EPHA6: variants seen among roughly 807,000 people sequenced by gnomAD.
The protein encoded by EPHA6 is ephrin type-A receptor 6.
EPHA6 carries 50 observed loss-of-function variants against 112.0 expected under a neutral mutation model. That is an observed-to-expected ratio of 0.45 (90% CI 0.36 to 0.56). The LOEUF is 0.56. Among genes scored for constraint, EPHA6 ranks in the 20% least tolerant of loss-of-function variants. The pLI, the probability that EPHA6 is intolerant of heterozygous loss-of-function variation, is 0.00. For missense variants in EPHA6, 1,280 were observed against 1,417.4 expected, an observed-to-expected ratio of 0.90 and a Z score of 1.56; for synonymous variants, 529 against 490.7, an observed-to-expected ratio of 1.08 and a Z score of -1.03.
chr3:97,269,630 T>C (rs2079814760), intron 5 of EPHA6, among the ~76,000 whole-genome samples: 1 of 152,196 alleles, frequency 6.6e-6, no homozygotes. Flanking sequence ...CCTGGGTCCC[T>C]ACCCCAGATA....
chr3:97,729,755 G>A (rs1209972665), intron 15 of EPHA6, among the ~76,000 whole-genome samples: 2 of 151,462 alleles, frequency 1.3e-5, no homozygotes, highest in Admixed American at 1.3e-4. Flanking sequence ...TGCACACCAG[G>A]AAAATACATT....
chr3:97,373,066 G>C (rs72926387), intron 5 of EPHA6, among the ~76,000 whole-genome samples: 4,522 of 152,084 alleles, frequency 0.03, 215 homozygotes, highest in African/African-American at 0.099. Flanking sequence ...ACAGAAGGAT[G>C]GTACTTGAAA....
At chr3:97,316,372 G>A (rs2081836508) in intron 5 of EPHA6, among the ~76,000 whole-genome samples, 1 of 151,838 alleles carries the variant, frequency 6.6e-6, no homozygotes, top group Non-Finnish European at 1.5e-5. Context: ...GTGCTCATAT[G>A]CATTACATTG....
At chr3:97,304,748 G>T (rs1379234981) in intron 5 of EPHA6, among the ~76,000 whole-genome samples, 2 of 151,988 alleles carry the variant, frequency 1.3e-5, no homozygotes, top group African/African-American at 4.8e-5. Flanking sequence ...ATTAACTCAA[G>T]ATGGATTACA....
At chr3:97,340,714 T>C (rs1577029058) in intron 5 of EPHA6, among the ~76,000 whole-genome samples, 1 of 152,308 alleles carries the variant, frequency 6.6e-6, no homozygotes, top group South Asian at 2.1e-4. Context: ...TCCTGACTTG[T>C]AGACAGTCAC....
chr3:97,722,463 C>T (rs891305553), intron 15 of EPHA6, among the ~76,000 whole-genome samples: 4 of 152,048 alleles, frequency 2.6e-5, no homozygotes, highest in South Asian at 2.1e-4. Flanking sequence ...CTTATTAATG[C>T]TCTTAGAAAA....
chr3:97,537,698 C>T (rs2092783093), intron 11 of EPHA6, among the ~76,000 whole-genome samples: 1 of 152,168 alleles, frequency 6.6e-6, no homozygotes, highest in African/African-American at 2.4e-5. Flanking sequence ...CCTCCCTCAA[C>T]CTCCCAAGTA....
chr3:96,989,819 A>G (rs1156292097), intron 3 of EPHA6, among the ~76,000 whole-genome samples: 1 of 152,128 alleles, frequency 6.6e-6, no homozygotes, highest in Non-Finnish European at 1.5e-5. Flanking sequence ...GTCCACCCCC[A>G]TGATTCAATC....
intron 3 of EPHA6, among the ~76,000 whole-genome samples, chr3:97,138,615 A>G (rs1004838318): frequency 2.6e-5 from 4 of 152,198 alleles, no homozygotes; most frequent in Non-Finnish European, 5.9e-5. Context: ...GCCAGAGAAC[A>G]AGTCTGTGGG....
At chr3:97,230,683 T>A (rs1308373659) in intron 4 of EPHA6, among the ~76,000 whole-genome samples, 1 of 152,194 alleles carries the variant, frequency 6.6e-6, no homozygotes, top group Non-Finnish European at 1.5e-5. Context: ...TACTAACATG[T>A]ACCTCGTGTA....
chr3:97,531,403 TCTGGAA>T (rs2092693266), intron 10 of EPHA6, among the ~76,000 whole-genome samples: 2 of 152,000 alleles, frequency 1.3e-5, no homozygotes, highest in South Asian at 4.1e-4. Flanking sequence ...CTCTACTGTT[TCTGGAA>T]CTTTGAATGT....
intron 14 of EPHA6, among the ~76,000 whole-genome samples, chr3:97,676,043 A>G (rs2107670067): frequency 6.6e-6 from 1 of 152,216 alleles, no homozygotes; most frequent in Non-Finnish European, 1.5e-5. Flanking sequence ...AAAATTGCTA[A>G]ATTTTGGATA....
At chr3:97,618,784 C>CA (rs2093787973) in intron 13 of EPHA6, among the ~76,000 whole-genome samples, 1 of 151,588 alleles carries the variant, frequency 6.6e-6, no homozygotes, top group Admixed American at 6.6e-5. Flanking sequence ...CTTTCCAACC[C>CA]AAAAAAGCCC....
At chr3:96,904,904 G>A (rs1302286596) in intron 2 of EPHA6, among the ~76,000 whole-genome samples, 6 of 152,058 alleles carry the variant, frequency 3.9e-5, no homozygotes, top group South Asian at 4.1e-4. Flanking sequence ...AATTGTAAAC[G>A]GACAACACTG....
chr3:97,211,511 G>A (rs1447741729), intron 3 of EPHA6, among the ~76,000 whole-genome samples: 4 of 152,162 alleles, frequency 2.6e-5, no homozygotes, highest in Non-Finnish European at 2.9e-5. Context: ...AAGATCTGGT[G>A]TCTGGTGAGT....
chr3:97,047,156 T>TA (rs1285736382), intron 3 of EPHA6, among the ~76,000 whole-genome samples: 3 of 152,020 alleles, frequency 2.0e-5, no homozygotes, highest in Non-Finnish European at 4.4e-5. Context: ...GATAAGCTAT[T>TA]AAAAAATACT....
chr3:97,468,117 G>C (rs1362778702), intron 7 of EPHA6, among the ~76,000 whole-genome samples: 2 of 148,554 alleles, frequency 1.3e-5, no homozygotes, highest in African/African-American at 5.0e-5. Context: ...GTAGAAGAAG[G>C]CACAGCTATG....
At chr3:97,597,919 T>G (rs983148991) in intron 12 of EPHA6, among the ~76,000 whole-genome samples, 1 of 152,302 alleles carries the variant, frequency 6.6e-6, no homozygotes. Flanking sequence ...AGAAAAGTAG[T>G]AATGCAAATA....
chr3:97,555,568 C>G (rs1416798554), intron 11 of EPHA6, among the ~76,000 whole-genome samples: 2 of 152,156 alleles, frequency 1.3e-5, no homozygotes, highest in African/African-American at 4.8e-5. Flanking sequence ...TCTTATTTCT[C>G]CACATCCTCT....
Sources: gnomAD v4.1 joint callset for allele counts (sites outside exome capture counted in the v4.1 genomes callset) on GRCh38, gnomAD v4.1.1 for gene constraint, MANE v1.5 for transcripts, NCBI Gene and HGNC (gene_info 2026-07-23, HGNC 2026-07-21) for gene names.